Variants in CLVS1 observed in about 807,000 individuals in gnomAD.
CLVS1 encodes clavesin 1, also known as clavesin-1.
CLVS1 carries 10 observed loss-of-function variants against 33.1 expected under a neutral mutation model. The ratio of observed to expected loss-of-function variants is 0.30; its 90% CI spans 0.19 to 0.51. The LOEUF (loss-of-function observed/expected upper bound fraction) is 0.51, where lower values mean the gene tolerates loss of function less well. Ranked by LOEUF, CLVS1 falls within the 20% of genes least tolerant of loss-of-function variation. CLVS1 has a pLI of 0.97. For missense variants in CLVS1, 343 were observed against 433.4 expected (o/e 0.79, Z 1.85); for synonymous variants, 163 against 166.1 (o/e 0.98, Z 0.14).
intron 1 of CLVS1, among the ~76,000 whole-genome samples, chr8:61,111,214 C>T (rs539504419): frequency 4.6e-4 from 70 of 152,220 alleles, no homozygotes; most frequent in Admixed American, 1.9e-3. Flanking sequence ...TATTGATATA[C>T]GGCTTTCACT....
At chr8:61,288,225 C>T (rs573152589) in intron 1 of CLVS1, 87 bp downstream of exon 1, 1 of 456,374 alleles carries the variant, frequency 2.2e-6, no homozygotes, top group African/African-American at 2.0e-5. Context: ...TGCGGCGTTT[C>T]AGCACTTCGG....
At chr8:61,169,256 A>G (rs1019305635) in intron 2 of CLVS1, among the ~76,000 whole-genome samples, 35 of 152,204 alleles carry the variant, frequency 2.3e-4, no homozygotes, top group African/African-American at 8.2e-4. Flanking sequence ...AATTAAAGGA[A>G]ATTGGAAGAC....
intron 5 of CLVS1, among the ~76,000 whole-genome samples, chr8:61,484,264 CA>C (rs1803781576): frequency 6.6e-6 from 1 of 152,074 alleles, no homozygotes; most frequent in African/African-American, 2.4e-5. Flanking sequence ...ACAAAATCAA[CA>C]TGCAAAAATC....
the CLVS1 span, among the ~76,000 whole-genome samples, chr8:61,014,019 G>T: frequency 6.6e-6 from 1 of 151,894 alleles, no homozygotes; most frequent in African/African-American, 2.4e-5. Context: ...CTCCCAACAC[G>T]GTGCATATCC....
chr8:61,397,735 T>C lies in CLVS1; in HGVS notation c.630+20956T>C, dbSNP rs534884018. Among the ~76,000 whole-genome samples the C allele has an allele frequency of 7.3e-4, 111 of 152,300 alleles. 1 individual carries two copies. The Middle Eastern group carries it at 0.02, about 28-fold the overall frequency. ...TCTTTTGCAGGAAGATATCCACTTC[T>C]CCCATCATCATTTTTTGAAGACTAT... On this transcript the variant is annotated intron_variant, in intron 3 of 5. Transcript: ENST00000325897.
intron 2 of CLVS1, among the ~76,000 whole-genome samples, chr8:61,264,084 C>T (rs2129592357): frequency 6.6e-6 from 1 of 152,196 alleles, no homozygotes; most frequent in Middle Eastern, 3.4e-3. Flanking sequence ...AAGGAGGTAT[C>T]AGAACAGATA....
At chr8:61,085,618 C>T (rs760676121) in intron 1 of CLVS1, among the ~76,000 whole-genome samples, 6 of 151,502 alleles carry the variant, frequency 4.0e-5, no homozygotes, top group Non-Finnish European at 5.9e-5. Flanking sequence ...TGGCGGAGTG[C>T]GGTGGCTCAT....
chr8:61,059,131 TTTGA>T (rs1008605504), intron 1 of CLVS1, among the ~76,000 whole-genome samples: 4 of 152,068 alleles, frequency 2.6e-5, no homozygotes, highest in African/African-American at 9.7e-5. Flanking sequence ...CTGTTTTCTA[TTTGA>T]TTGTGCCATT....
At position 61,121,026 on chromosome 8, in the gene CLVS1, C is replaced by T. The variant is rs1277886712; in HGVS notation, c.-242-10744C>T. On this transcript the variant is annotated intron_variant, in intron 1 of 2. Coordinates refer to the CLVS1 transcript ENST00000522621. ...ACTGCTGTGCTAGCAATCAGCGAGA[C>T]TCCGTGGGCGTAGGACCCTCCAAGC... Among the ~76,000 whole-genome samples the T allele has an allele frequency of 2.8e-4, 43 of 151,860 alleles. 1 individual carries two copies. The South Asian group carries it at 5.3e-3, about 19-fold the overall frequency.
the CLVS1 span, among the ~76,000 whole-genome samples, chr8:61,024,095 A>T: frequency 6.6e-6 from 1 of 152,234 alleles, no homozygotes; most frequent in African/African-American, 2.4e-5. Flanking sequence ...CTGGATGTTT[A>T]GGCACAGTAG....
intron 2 of CLVS1, among the ~76,000 whole-genome samples, chr8:61,361,094 G>T (rs73257357): frequency 0.016 from 2,464 of 152,178 alleles, 59 homozygotes; most frequent in African/African-American, 0.055. Context: ...TAAACAAGCA[G>T]ATCTCACTAT....
At chr8:61,358,924 C>A (rs1211293474) in intron 2 of CLVS1, among the ~76,000 whole-genome samples, 1 of 152,016 alleles carries the variant, frequency 6.6e-6, no homozygotes, top group East Asian at 1.9e-4. Context: ...TGGAAGCATA[C>A]GCAGCTATCT....
At chr8:61,171,580 A>G (rs1807000275) in intron 2 of CLVS1, among the ~76,000 whole-genome samples, 1 of 152,190 alleles carries the variant, frequency 6.6e-6, no homozygotes, top group Non-Finnish European at 1.5e-5. Context: ...GGCTTCGCTG[A>G]CAGTAGCAGA....
chr8:61,410,552 A>G (rs1815179552), intron 3 of CLVS1, among the ~76,000 whole-genome samples: 1 of 152,184 alleles, frequency 6.6e-6, no homozygotes, highest in South Asian at 2.1e-4. Context: ...CCTCCATCAG[A>G]ACAGCCTTCT....
chr8:61,468,873 AC>A (rs1817646023), intron 5 of CLVS1, among the ~76,000 whole-genome samples: 1 of 152,152 alleles, frequency 6.6e-6, no homozygotes, highest in African/African-American at 2.4e-5. Context: ...TCCAGAAACT[AC>A]CAGGGGCAGA....
the CLVS1 span, among the ~76,000 whole-genome samples, chr8:61,028,939 G>C: frequency 2.6e-5 from 4 of 152,172 alleles, no homozygotes; most frequent in African/African-American, 9.7e-5. Context: ...ATTTTGGATA[G>C]GTTTGTGCTG....
intron 1 of CLVS1, among the ~76,000 whole-genome samples, chr8:61,061,465 A>G (rs1037238315): frequency 6.6e-6 from 1 of 152,122 alleles, no homozygotes. Context: ...ATTTTGCCTC[A>G]TGCTTTCCCT....
intron 2 of CLVS1, among the ~76,000 whole-genome samples, chr8:61,220,786 C>A (rs1313383473): frequency 6.6e-6 from 1 of 152,052 alleles, no homozygotes; most frequent in African/African-American, 2.4e-5. Flanking sequence ...TTCTTCCTAT[C>A]CATGAGCATG....
At chr8:61,434,192 A>G (rs1816227450) in intron 3 of CLVS1, among the ~76,000 whole-genome samples, 1 of 152,236 alleles carries the variant, frequency 6.6e-6, no homozygotes, top group Non-Finnish European at 1.5e-5. Context: ...CCCCAGACCC[A>G]AATTTTAGCA....
Sources: gnomAD v4.1 joint callset for allele counts (sites outside exome capture counted in the v4.1 genomes callset) on GRCh38, gnomAD v4.1.1 for gene constraint, MANE v1.5 for transcripts, NCBI Gene and HGNC (gene_info 2026-07-23, HGNC 2026-07-21) for gene names.